The following PRNP variants were observed in gnomAD, a reference collection of about 807,000 sequenced individuals.
PRNP encodes the protein major prion protein.
A neutral mutation model predicts 21.3 loss-of-function variants in PRNP; 15 were observed. The ratio of observed to expected loss-of-function variants is 0.71; its 90% CI spans 0.47 to 1.09. The LOEUF is 1.09. Ranked by LOEUF, PRNP falls within the 50% of genes least tolerant of loss-of-function variation. PRNP has a pLI of 0.00. For missense variants in PRNP, 285 were observed against 340.9 expected (o/e 0.84, Z 1.29); for synonymous variants, 121 against 123.1 (o/e 0.98, Z 0.11).
At chr20:4,690,700 A>C (rs1410399477) in intron 1 of PRNP, among the ~76,000 whole-genome samples, 1 of 152,102 alleles carries the variant, frequency 6.6e-6, no homozygotes, top group African/African-American at 2.4e-5. Flanking sequence ...TTGACAGATA[A>C]GATTATATGT....
At position 4,697,815 on chromosome 20, in the gene PRNP, A is replaced by T. The variant is rs974156910; in HGVS notation, c.-10-1396A>T. Among the ~76,000 whole-genome samples, 1 of 152,158 alleles carries T rather than the reference A, an allele frequency of 6.6e-6. No individual in the cohort carries two copies. Among genetic ancestry groups the T allele is most frequent in the African/African-American group, 2.4e-5 (1 of 41,422 alleles). On this transcript the variant is annotated intron_variant, in intron 1 of 1. Coordinates refer to ENST00000379440, the MANE Select transcript of PRNP (RefSeq NM_000311.5). This position sits in a 1 kb window ranked among gnomAD's most constrained non-coding sequence, Gnocchi z 4.6. ...TGTTGAAGAAATCAGGTGAGAAGTG[A>T]TGGAAGCACCGAATAAGATGGTCAT...
chr20:4,699,202 A>G lies in PRNP; in HGVS notation c.-10-9A>G, dbSNP rs1334159854. On this transcript the variant is annotated splice_polypyrimidine_tract_variant and intron_variant, in intron 1 of 1. Transcript: ENST00000379440. This position sits in a 1 kb window ranked among gnomAD's most constrained non-coding sequence, Gnocchi z 5.8. ...ATGGGACTCTGACGTTCTCCTCTTC[A>G]TTTTGCAGAGCAGTCATTATGGCGA... 12 of 1,613,674 alleles carry G rather than the reference A, an allele frequency of 7.4e-6. No homozygotes were observed. The highest frequency in any genetic ancestry group is 1.0e-5 in the Non-Finnish European group (12 of 1,179,996).
Position 4,700,233 on chromosome 20 carries a change from A to C in PRNP, c.*251A>C, listed in dbSNP as rs1362299836. On this transcript the variant is annotated 3_prime_UTR_variant, in exon 2 of 2. Coordinates refer to ENST00000379440, the MANE Select transcript of PRNP (RefSeq NM_000311.5). The surrounding 1 kb of genome is among the most constrained non-coding windows in gnomAD (Gnocchi z 4.1). ...CCAGGCCAGTAAAAGTATAACAGCA[A>C]ATAACCATTGGTTAATCTGGACTTA... 3.2e-6 allele frequency: 4 copies of C among 1,237,342 alleles called. No individual in the cohort carries two copies. Among genetic ancestry groups the C allele is most frequent in the Admixed American group, 2.0e-5 (1 of 49,204 alleles). 76.6% of individuals were successfully genotyped at this position (1,237,342 alleles called of 1,614,324 possible).
chr20:4,690,928 C>A (rs951204947), intron 1 of PRNP, among the ~76,000 whole-genome samples: 11 of 152,180 alleles, frequency 7.2e-5, no homozygotes, highest in Non-Finnish European at 1.2e-4. Context: ...ACCCTAAAGA[C>A]TCCACCAGAA....
chr20:4,696,725 A>G (rs1922194377), intron 1 of PRNP, among the ~76,000 whole-genome samples: 2 of 152,326 alleles, frequency 1.3e-5, no homozygotes, highest in African/African-American at 4.8e-5. Flanking sequence ...CCATTACCAT[A>G]TACTTAATAG....
In PRNP at chr20:4,697,005, G is replaced by T. The variant is rs1922213378; in HGVS notation, c.-10-2206G>T. ...TGAGGCACATTCAAAGCCCGACTCA[G>T]TGTCATTCCCTGCAGTCTCCTCTTC... On this transcript the variant is annotated intron_variant, in intron 1 of 1. Transcript: ENST00000379440. The surrounding 1 kb of genome is among the most constrained non-coding windows in gnomAD (Gnocchi z 4.6). Among the ~76,000 whole-genome samples, 1 of 152,186 alleles carries T rather than the reference G, an allele frequency of 6.6e-6. No individual in the cohort carries two copies. The highest frequency in any genetic ancestry group is 2.4e-5 in the African/African-American group (1 of 41,426).
chr20:4,699,443 C>A lies in PRNP; in HGVS notation c.223C>A (p.Gln75Lys). 6.2e-7 allele frequency: 1 copy of A among 1,611,046 alleles called. No individual in the cohort carries two copies. The highest frequency in any genetic ancestry group is 1.7e-5 in the Admixed American group (1 of 59,876). Residue 75 changes from glutamine to lysine, a missense_variant, in exon 2 of 2, where the codon CAG becomes AAG. Coordinates refer to ENST00000379440, the MANE Select transcript of PRNP (RefSeq NM_000311.5). This position sits in a 1 kb window ranked among gnomAD's most constrained non-coding sequence, Gnocchi z 5.8. ...WGQPHGGGWG[Q>K]PHGGGWGQPH... ...GCAGCCTCATGGTGGTGGCTGGGGG[C>A]AGCCCCATGGTGGTGGCTGGGGACA...
intron 1 of PRNP, among the ~76,000 whole-genome samples, chr20:4,696,597 A>C (rs961687199): frequency 6.6e-6 from 1 of 152,126 alleles, no homozygotes; most frequent in African/African-American, 2.4e-5. Flanking sequence ...CCATTCTTAC[A>C]CCTGTTACTT....
In PRNP at chr20:4,699,592, C is replaced by T. The variant is rs201423990; in HGVS notation, c.372C>T (p.Gly124=). The change falls in exon 2 of 2, where the codon GGC becomes GGT. Residue 124 remains glycine, a synonymous_variant. Transcript: ENST00000379440. This position sits in a 1 kb window ranked among gnomAD's most constrained non-coding sequence, Gnocchi z 5.8. ...GAAAAGAVVG[G]LGGYMLGSAM... is the part of the protein sequence containing the mutation. Reference sequence around the variant, plus strand: ...CAGCAGCTGGGGCAGTGGTGGGGGGCCTTGGCGGCTACATGCTGGGAAGTG... The same window carrying T: ...CAGCAGCTGGGGCAGTGGTGGGGGGTCTTGGCGGCTACATGCTGGGAAGTG... The T allele has an allele frequency of 4.3e-6, 7 of 1,613,954 alleles. No individual in the cohort carries two copies. The highest frequency in any genetic ancestry group is 5.9e-6 in the Non-Finnish European group (7 of 1,179,936).
chr20:4,691,114 A>C (rs561559669), intron 1 of PRNP, among the ~76,000 whole-genome samples: 1 of 152,248 alleles, frequency 6.6e-6, no homozygotes, highest in African/African-American at 2.4e-5. Context: ...AAGGTGAAAG[A>C]TCTCTACACT....
At chr20:4,698,703 A>G (rs1922323622) in intron 1 of PRNP, among the ~76,000 whole-genome samples, 1 of 152,218 alleles carries the variant, frequency 6.6e-6, no homozygotes, top group Non-Finnish European at 1.5e-5. Flanking sequence ...GTTTTACGGC[A>G]CACAGTGATG....
At chr20:4,690,431 T>C (rs547277888) in intron 1 of PRNP, among the ~76,000 whole-genome samples, 7 of 152,296 alleles carry the variant, frequency 4.6e-5, no homozygotes, top group African/African-American at 1.7e-4. Flanking sequence ...TCCCCATCTA[T>C]AAATGGGAAT....
rs755064098 is a variant in PRNP, at chr20:4,699,425, CATG to C, written c.206_208del (p.His69_Gly70delinsArg). The stretch of plus-strand genomic sequence containing the variant: ...TCATGGTGGTGGCTGGGGGCAGCCT[CATG>C]GTGGTGGCTGGGGGCAGCCCCATGG... On this transcript the variant is annotated inframe_deletion, in exon 2 of 2. Transcript: ENST00000379440. This position sits in a 1 kb window ranked among gnomAD's most constrained non-coding sequence, Gnocchi z 5.8. The C allele has an allele frequency of 1.9e-6, 3 of 1,611,444 alleles. No individual in the cohort carries two copies. Among genetic ancestry groups the C allele is most frequent in the South Asian group, 2.2e-5 (2 of 90,884 alleles).
chr20:4,694,988 C>T (rs1165651363), intron 1 of PRNP, among the ~76,000 whole-genome samples: 1 of 151,846 alleles, frequency 6.6e-6, no homozygotes, highest in East Asian at 1.9e-4. Context: ...ATTACTGTCT[C>T]TTACTGCTCT....
In PRNP at chr20:4,692,062, C is replaced by T. The variant is rs1008538117; in HGVS notation, c.-11+5550C>T. On this transcript the variant is annotated intron_variant, in intron 1 of 1. Transcript: ENST00000379440. ...AAAAATCTAAGAGATCCAAAGCAAA[C>T]AGGGGGTTATAAAATTACCTTTGAA... Among the ~76,000 whole-genome samples, 117 of 152,168 alleles carry T rather than the reference C, an allele frequency of 7.7e-4. 1 individual carries two copies. The highest frequency in any genetic ancestry group is 2.4e-4 in the Non-Finnish European group (16 of 68,032).
At position 4,700,771 on chromosome 20, in the gene PRNP, G is replaced by A. The variant is rs974411770; in HGVS notation, c.*789G>A. On this transcript the variant is annotated 3_prime_UTR_variant, in exon 2 of 2. Coordinates refer to ENST00000379440, the MANE Select transcript of PRNP (RefSeq NM_000311.5). The surrounding 1 kb of genome is among the most constrained non-coding windows in gnomAD (Gnocchi z 4.1). ...TAGATGTTTAAAGGACCCTATATGT[G>A]GCATTCCTTTCTTTAAACTATAGGT... The A allele has an allele frequency of 1.2e-5, 2 of 167,890 alleles. No individual in the cohort carries two copies. Among genetic ancestry groups the A allele is most frequent in the African/African-American group, 4.8e-5 (2 of 41,428 alleles). 10.4% of individuals were successfully genotyped at this position (167,890 alleles called of 1,614,324 possible).
In PRNP at chr20:4,697,004, A is replaced by G. The variant is rs1195629428; in HGVS notation, c.-10-2207A>G. 6.6e-6 allele frequency among the ~76,000 whole-genome samples: 1 copy of G among 152,180 alleles called. No individual in the cohort carries two copies. The highest frequency in any genetic ancestry group is 1.5e-5 in the Non-Finnish European group (1 of 68,038). On this transcript the variant is annotated intron_variant, in intron 1 of 1. Coordinates refer to ENST00000379440, the MANE Select transcript of PRNP (RefSeq NM_000311.5). This position sits in a 1 kb window ranked among gnomAD's most constrained non-coding sequence, Gnocchi z 4.6. ...ATGAGGCACATTCAAAGCCCGACTC[A>G]GTGTCATTCCCTGCAGTCTCCTCTT...
In PRNP at chr20:4,699,311, T is replaced by C. The variant is rs1360068809; in HGVS notation, c.91T>C (p.Trp31Arg). ...CAAGAAGCGCCCGAAGCCTGGAGGA[T>C]GGAACACTGGGGGCAGCCGATACCC... ...LCKKRPKPGG[W>R]NTGGSRYPGQ... Residue 31 changes from tryptophan to arginine, a missense_variant, in exon 2 of 2, where the codon TGG (tryptophan) becomes CGG (arginine). Transcript: ENST00000379440. The surrounding 1 kb of genome is among the most constrained non-coding windows in gnomAD (Gnocchi z 5.8). The C allele has an allele frequency of 6.2e-7, 1 of 1,613,966 alleles. No individual in the cohort carries two copies. The highest frequency in any genetic ancestry group is 1.1e-5 in the South Asian group (1 of 91,068).
rs906563039 is a variant in PRNP at position 4,699,760 on chromosome 20, C to T, written c.540C>T (p.Val180=). The part of the protein sequence containing the change: ...SNQNNFVHDC[V]NITIKQHTVT... ...AGAACAACTTTGTGCACGACTGCGT[C>T]AATATCACAATCAAGCAGCACACGG... Residue 180 remains valine, a synonymous_variant, in exon 2 of 2, where the codon GTC becomes GTT. Coordinates refer to ENST00000379440, the MANE Select transcript of PRNP (RefSeq NM_000311.5). The surrounding 1 kb of genome is among the most constrained non-coding windows in gnomAD (Gnocchi z 5.8). 1.2e-6 allele frequency: 2 copies of T among 1,614,006 alleles called. No individual in the cohort carries two copies. Among genetic ancestry groups the T allele is most frequent in the African/African-American group, 2.7e-5 (2 of 74,962 alleles).
Sources: allele counts gnomAD v4.1 joint callset (sites outside exome capture counted in the v4.1 genomes callset), GRCh38; gene constraint gnomAD v4.1.1; non-coding constraint Gnocchi (gnomAD v3.1); transcripts MANE v1.5; gene names NCBI Gene and HGNC (gene_info 2026-07-23, HGNC 2026-07-21).